The following NOX3 variants were observed in gnomAD, a reference collection of about 807,000 sequenced individuals.
NOX3 encodes the protein NADPH oxidase 3, also known as NADPH oxidase catalytic subunit-like 3.
A neutral mutation model predicts 76.7 loss-of-function variants in NOX3; 74 were observed. The ratio of observed to expected loss-of-function variants is 0.96; its 90% CI spans 0.80 to 1.17. NOX3 has a LOEUF of 1.17. Among genes scored for constraint, NOX3 ranks in the 50% most tolerant of loss-of-function variants. The pLI is 0.00. For missense variants in NOX3, 695 were observed against 703.3 expected (o/e 0.99, Z 0.13); for synonymous variants, 263 against 261.1 (o/e 1.01, Z -0.07).
chr6:155,437,803 A>G (rs929337076), intron 6 of NOX3, among the ~76,000 whole-genome samples: 1 of 152,244 alleles, frequency 6.6e-6, no homozygotes, highest in Non-Finnish European at 1.5e-5. Flanking sequence ...CATCTATGCC[A>G]TCCCATAATA....
intron 9 of NOX3, among the ~76,000 whole-genome samples, chr6:155,427,078 A>C (rs2281253): frequency 0.31 from 44,024 of 141,398 alleles, 7,801 homozygotes; most frequent in East Asian, 0.78. Flanking sequence ...ATCTACTTTT[A>C]TTTTTGATTT....
Position 155,453,415 on chromosome 6 carries a change from G to C in NOX3, c.329C>G (p.Ala110Gly). ...TAATAAGTACTTACTTGCATTAACA[G>C]CTATCCCATAGGCGACCAGTTTGTG... ...RFHKLVAYGIAVNATIHIVAH... is the reference protein window; with the variant it reads ...RFHKLVAYGIGVNATIHIVAH... The change falls in exon 4 of 14, where the codon GCT (alanine) becomes GGT (glycine). Residue 110 changes from alanine to glycine, a missense_variant. Coordinates refer to ENST00000159060, the MANE Select transcript of NOX3 (RefSeq NM_015718.3). The C allele has an allele frequency of 6.2e-7, 1 of 1,611,636 alleles. No homozygotes were observed.
intron 4 of NOX3, among the ~76,000 whole-genome samples, chr6:155,450,558 A>G (rs1217411012): frequency 1.3e-5 from 2 of 152,134 alleles, no homozygotes; most frequent in East Asian, 3.9e-4. Flanking sequence ...CCTGGAGGTG[A>G]TCAGCTTCTG....
At chr6:155,404,771 G>A (rs1254299361) in intron 12 of NOX3, among the ~76,000 whole-genome samples, 1 of 152,134 alleles carries the variant, frequency 6.6e-6, no homozygotes, top group Non-Finnish European at 1.5e-5. Context: ...TGGGTGCAGG[G>A]TGCAGAGAGG....
rs1554264831 is a variant in NOX3, at chr6:155,445,996, T to TATATATGCTATATATATATATATATAA, written c.341-2579_341-2578insTTATATATATATATATATAGCATATAT. On this transcript the variant is annotated intron_variant, in intron 4 of 13. Transcript: ENST00000159060. The stretch of plus-strand genomic sequence containing the variant: ...TATATATATGCTATATATATATATA[T>TATATATGCTATATATATATATATATAA]AATATATATATATTGCACATTTTTC... 3.3e-3 allele frequency among the ~76,000 whole-genome samples: 448 copies of TATATATGCTATATATATATATATATAA among 134,282 alleles called. 1 individual carries two copies. Among genetic ancestry groups the TATATATGCTATATATATATATATATAA allele is most frequent in the Middle Eastern group, 8.1e-3 (2 of 246 alleles). The allele number at this position is 134,282 out of a possible 152,430, so 88.1% of individuals were successfully genotyped here. A position where few individuals can be genotyped will look rare whatever the true frequency, so the allele number is the denominator to read the frequency against.
chr6:155,448,697 A>G (rs1777096225), intron 4 of NOX3, among the ~76,000 whole-genome samples: 1 of 151,352 alleles, frequency 6.6e-6, no homozygotes, highest in African/African-American at 2.4e-5. Flanking sequence ...TTGCCCTGAG[A>G]AAGTTCTTTT....
At chr6:155,401,504 C>T (rs1288181559) in intron 12 of NOX3, among the ~76,000 whole-genome samples, 1 of 152,112 alleles carries the variant, frequency 6.6e-6, no homozygotes, top group East Asian at 1.9e-4. Flanking sequence ...CATTTTAAAA[C>T]ATTTTGCACA....
At chr6:155,433,522 C>A (rs924642851) in intron 7 of NOX3, among the ~76,000 whole-genome samples, 1 of 152,234 alleles carries the variant, frequency 6.6e-6, no homozygotes, top group Non-Finnish European at 1.5e-5. Context: ...ATGTTCATAA[C>A]GTCCTGTTTT....
At chr6:155,441,093 T>A (rs190602953) in intron 5 of NOX3, among the ~76,000 whole-genome samples, 1 of 152,358 alleles carries the variant, frequency 6.6e-6, no homozygotes, top group Non-Finnish European at 1.5e-5. Context: ...CAAGGGACAG[T>A]AAAATAGCCT....
chr6:155,423,173 C>A (rs1166225470), intron 9 of NOX3, among the ~76,000 whole-genome samples: 1 of 152,150 alleles, frequency 6.6e-6, no homozygotes, highest in African/African-American at 2.4e-5. Flanking sequence ...TGTTTTGGCT[C>A]CAAGTATCAT....
In NOX3 at chr6:155,430,762, A is replaced by T. The variant is rs982561745; in HGVS notation, c.891+81T>A. ...AATTACAGACAGTTCTGCAATAAAAATGGCAAATTAAAAATTTGGGCTAAT... is the reference window on the plus strand; with the variant it reads ...AATTACAGACAGTTCTGCAATAAAATTGGCAAATTAAAAATTTGGGCTAAT... On this transcript the variant is annotated intron_variant, in intron 8 of 13. Transcript: ENST00000159060. 2.6e-5 allele frequency: 21 copies of T among 812,548 alleles called. No homozygotes were observed. In the Admixed American group the frequency reaches 4.3e-4, roughly 17 times the overall value. The allele number at this position is 812,548 out of a possible 1,614,324, so 50.3% of individuals were successfully genotyped here. A position where few individuals can be genotyped will look rare whatever the true frequency, so the allele number is the denominator to read the frequency against.
intron 12 of NOX3, among the ~76,000 whole-genome samples, chr6:155,404,759 G>T (rs1476518857): frequency 6.6e-6 from 1 of 152,140 alleles, no homozygotes; most frequent in African/African-American, 2.4e-5. Context: ...TCTACAGGTT[G>T]CTGGGTGCAG....
At chr6:155,422,196 G>A (rs1365672801) in intron 10 of NOX3, among the ~76,000 whole-genome samples, 2 of 152,168 alleles carry the variant, frequency 1.3e-5, no homozygotes, top group Non-Finnish European at 2.9e-5. Context: ...GAGGCATCTA[G>A]TTGTAAAACA....
At chr6:155,451,281 T>C (rs907596712) in intron 4 of NOX3, among the ~76,000 whole-genome samples, 1 of 152,004 alleles carries the variant, frequency 6.6e-6, no homozygotes, top group Non-Finnish European at 1.5e-5. Flanking sequence ...GCCCGGCCTG[T>C]ATTAGTATTC....
chr6:155,434,994 G>T (rs1039203836), intron 7 of NOX3, among the ~76,000 whole-genome samples: 18 of 152,190 alleles, frequency 1.2e-4, no homozygotes. Context: ...GTGCAGTGAA[G>T]CGCAGGAACC....
At chr6:155,421,612 G>A (rs917236571) in intron 10 of NOX3, among the ~76,000 whole-genome samples, 2 of 152,140 alleles carry the variant, frequency 1.3e-5, no homozygotes, top group African/African-American at 4.8e-5. Flanking sequence ...TGCCCAGGCT[G>A]GAGTGCAGTG....
Position 155,436,432 on chromosome 6 carries a change from C to G in NOX3, c.784G>C (p.Gly262Arg). 1.9e-6 allele frequency: 3 copies of G among 1,613,998 alleles called. No individual in the cohort carries two copies. The South Asian group carries it at 3.3e-5, about 18-fold the overall frequency. ...TTCATTCTTACCGAGGGTTCCTTGCCAGAAAATTGAGGCACGGGGCATTGG... is the reference window on the plus strand; with the variant it reads ...TTCATTCTTACCGAGGGTTCCTTGCGAGAAAATTGAGGCACGGGGCATTGG... ...VAQCPVPQFS[G>R]KEPSAWKWIL... Residue 262 changes from glycine to arginine, a missense_variant, in exon 7 of 14, where the codon GGC becomes CGC. Gly to Arg is a moderately radical substitution (Grantham distance 125, BLOSUM62 -2). Transcript: ENST00000159060.
intron 10 of NOX3, among the ~76,000 whole-genome samples, chr6:155,416,616 C>T (rs1448953748): frequency 6.6e-6 from 1 of 152,142 alleles, no homozygotes. Flanking sequence ...TGATTATCCT[C>T]AATGTTAACT....
intron 10 of NOX3, among the ~76,000 whole-genome samples, chr6:155,413,105 T>C (rs1299383062): frequency 6.6e-6 from 1 of 152,126 alleles, no homozygotes; most frequent in East Asian, 1.9e-4. Flanking sequence ...TCAACACATA[T>C]TTGTTGAATC....
Sources: gnomAD v4.1 joint callset for allele counts (sites outside exome capture counted in the v4.1 genomes callset) on GRCh38, gnomAD v4.1.1 for gene constraint, MANE v1.5 for transcripts, NCBI Gene and HGNC (gene_info 2026-07-23, HGNC 2026-07-21) for gene names.